The following MTUS2 variants were observed in gnomAD, a reference collection of about 807,000 sequenced individuals.
MTUS2 encodes microtubule associated scaffold protein 2, also known as microtubule-associated tumor suppressor candidate 2.
In MTUS2, 40 loss-of-function variants were observed where a neutral mutation model predicts 114.1. The ratio of observed to expected loss-of-function variants is 0.35; its 90% confidence interval spans 0.27 to 0.46. The LOEUF (loss-of-function observed/expected upper bound fraction) is 0.46. Ranked by LOEUF, MTUS2 falls within the 20% of genes least tolerant of loss-of-function variation. MTUS2 has a pLI of 1.00. For missense variants in MTUS2, 1,679 were observed against 1,705.4 expected (o/e 0.98, Z 0.27); for synonymous variants, 688 against 672.0 (o/e 1.02, Z -0.37).
intron 6 of MTUS2, among the ~76,000 whole-genome samples, chr13:29,297,526 C>G (rs3011452): frequency 6.6e-6 from 1 of 151,958 alleles, no homozygotes; most frequent in African/African-American, 2.4e-5. Flanking sequence ...ACCTATAGAC[C>G]TAACTTCTGC....
chr13:29,441,667 A>G (rs1877886976), intron 9 of MTUS2, among the ~76,000 whole-genome samples: 1 of 152,034 alleles, frequency 6.6e-6, no homozygotes, highest in South Asian at 2.1e-4. Context: ...ACCCTGCCCA[A>G]TGCCAGGGAC....
intron 8 of MTUS2, among the ~76,000 whole-genome samples, chr13:29,382,185 T>A (rs7328947): frequency 0.16 from 23,644 of 152,124 alleles, 2,635 homozygotes; most frequent in African/African-American, 0.32. Flanking sequence ...GGAACTATTC[T>A]GGGGAGATGG....
intron 6 of MTUS2, among the ~76,000 whole-genome samples, chr13:29,304,951 C>T (rs1262238124): frequency 6.6e-6 from 1 of 152,028 alleles, no homozygotes; most frequent in Non-Finnish European, 1.5e-5. Flanking sequence ...CAGACTACAG[C>T]ACAATCAAAC....
At chr13:29,472,348 T>G (rs1186814206) in intron 9 of MTUS2, among the ~76,000 whole-genome samples, 1 of 152,134 alleles carries the variant, frequency 6.6e-6, no homozygotes, top group Non-Finnish European at 1.5e-5. Context: ...CATCCTTCAT[T>G]TTCAGCCGTT....
Position 29,010,579 on chromosome 13 carries a change from C to T in MTUS2, c.-242-13878C>T, listed in dbSNP as rs142750880. ...TTCTTTCCTTTGGGGTTGAGAAGGC[C>T]GCCACATGCGGACCACACTCTCAGC... On this transcript the variant is annotated intron_variant, in intron 2 of 15. Transcript: ENST00000612955. 4.5e-4 allele frequency among the ~76,000 whole-genome samples: 68 copies of T among 152,098 alleles called. No individual in the cohort carries two copies. In the Middle Eastern group the frequency reaches 0.01, roughly 23 times the overall value.
At position 29,199,112 on chromosome 13, in the gene MTUS2, AC is replaced by A. The variant is rs1364568488; in HGVS notation, c.2645-82591del. On this transcript the variant is annotated intron_variant, in intron 5 of 15. Coordinates refer to ENST00000612955, the MANE Select transcript of MTUS2 (RefSeq NM_001033602.4). Reference sequence around the variant, plus strand: ...AAATACTTTCAAATTTCATATGGAAACAAAAAAGAGCCATATAGCCAAGACA... The same window carrying A: ...AAATACTTTCAAATTTCATATGGAAAAAAAAAGAGCCATATAGCCAAGACA... Among the ~76,000 whole-genome samples, 3 of 152,144 alleles carry A rather than the reference AC, an allele frequency of 2.0e-5. No individual in the cohort carries two copies. The East Asian group carries it at 5.8e-4, about 29-fold the overall frequency.
Position 29,460,327 on chromosome 13 carries a change from A to G in MTUS2, c.3185-19823A>G, listed in dbSNP as rs148876794. 9.2e-5 allele frequency among the ~76,000 whole-genome samples: 14 copies of G among 152,084 alleles called. 3 individuals are homozygous for G. In the South Asian group the frequency reaches 2.7e-3, roughly 29 times the overall value. ...TTTTAAACTCTGTTTCTCCACTCCA[A>G]TCATAATGGCTGCCAATATTAGGAC... is the stretch of plus-strand genomic sequence containing the variant. On this transcript the variant is annotated intron_variant, in intron 9 of 15. Coordinates refer to ENST00000612955, the MANE Select transcript of MTUS2 (RefSeq NM_001033602.4).
intron 5 of MTUS2, among the ~76,000 whole-genome samples, chr13:29,121,746 TC>T (rs1455934094): frequency 2.0e-5 from 3 of 151,600 alleles, no homozygotes; most frequent in African/African-American, 7.3e-5. Context: ...AACCTCCGCC[TC>T]CCGGCTTCAA....
chr13:29,243,488 CGGAAGCCAGTT>C (rs1221001510), intron 5 of MTUS2, among the ~76,000 whole-genome samples: 1 of 152,080 alleles, frequency 6.6e-6, no homozygotes, highest in African/African-American at 2.4e-5. Context: ...CTGGCAAGGT[CGGAAGCCAGTT>C]GGTAGTGGAT....
chr13:28,958,263 C>T (rs550521358), intron 2 of MTUS2, among the ~76,000 whole-genome samples: 3 of 152,218 alleles, frequency 2.0e-5, no homozygotes, highest in South Asian at 4.1e-4. Flanking sequence ...AGGCGGAGGG[C>T]GTTTTCCCAG....
At chr13:29,053,434 T>C (rs796576961) in intron 4 of MTUS2, among the ~76,000 whole-genome samples, 12 of 152,148 alleles carry the variant, frequency 7.9e-5, no homozygotes, top group Non-Finnish European at 1.5e-4. Flanking sequence ...GAAGGCCCAG[T>C]TCACAGTGTC....
intron 2 of MTUS2, among the ~76,000 whole-genome samples, chr13:28,980,991 T>A (rs1194418895): frequency 6.6e-6 from 1 of 152,210 alleles, no homozygotes; most frequent in East Asian, 1.9e-4. Context: ...AATGTTAGCT[T>A]TGCTGACAGA....
rs1347812083 is a variant in MTUS2, at chr13:29,505,467, T to C, written c.*2261T>C. 8.7e-6 allele frequency: 2 copies of C among 230,238 alleles called. No homozygotes were observed. Among genetic ancestry groups the C allele is most frequent in the Admixed American group, 1.1e-4 (2 of 17,700 alleles). 14.3% of individuals were successfully genotyped at this position (230,238 alleles called of 1,614,324 possible). A position where few individuals can be genotyped will look rare whatever the true frequency, so the allele number is the denominator to read the frequency against. On this transcript the variant is annotated 3_prime_UTR_variant, in exon 16 of 16. Coordinates refer to ENST00000612955, the MANE Select transcript of MTUS2 (RefSeq NM_001033602.4). ...CCCTGGCTTCGTGGTTTGTTTGTTTTTTTTCTTTTGTTACGGACACCCATC... is the reference window on the plus strand; with the variant it reads ...CCCTGGCTTCGTGGTTTGTTTGTTTCTTTTCTTTTGTTACGGACACCCATC...
chr13:29,030,294 AG>A (rs1389826061), intron 3 of MTUS2, among the ~76,000 whole-genome samples: 3 of 152,154 alleles, frequency 2.0e-5, no homozygotes, highest in African/African-American at 7.2e-5. Context: ...ACTGGTGTGG[AG>A]AGAGCATCAT....
intron 1 of MTUS2, among the ~76,000 whole-genome samples, chr13:28,838,915 A>G (rs1875276672): frequency 6.6e-6 from 1 of 152,104 alleles, no homozygotes; most frequent in South Asian, 2.1e-4. Flanking sequence ...TACCCAAACC[A>G]TTGTTGCTCA....
intron 5 of MTUS2, among the ~76,000 whole-genome samples, chr13:29,225,810 A>G (rs1896085150): frequency 6.6e-6 from 1 of 152,208 alleles, no homozygotes; most frequent in African/African-American, 2.4e-5. Context: ...TTTTGGAACA[A>G]GAATGATAAT....
In MTUS2 at chr13:29,026,384, T is replaced by C. The variant is rs779929961; in HGVS notation, c.1686T>C (p.Gly562=). ...SSSFQDVSVF[G]MDAGSPLVVP... The stretch of plus-strand genomic sequence containing the variant: ...GTTTTCAGGATGTTAGCGTGTTCGG[T>C]ATGGATGCGGGGTCCCCCTTGGTAG... The change falls in exon 3 of 16, where the codon GGT becomes GGC. Residue 562 remains glycine (G), a synonymous_variant. Coordinates refer to ENST00000612955, the MANE Select transcript of MTUS2 (RefSeq NM_001033602.4). 6.2e-7 allele frequency: 1 copy of C among 1,613,926 alleles called. No individual in the cohort carries two copies. Among genetic ancestry groups the C allele is most frequent in the Non-Finnish European group, 8.5e-7 (1 of 1,179,864 alleles).
intron 5 of MTUS2, among the ~76,000 whole-genome samples, chr13:29,127,688 G>A (rs374262015): frequency 2.6e-5 from 4 of 152,178 alleles, no homozygotes; most frequent in South Asian, 4.1e-4. Context: ...CTCTGGACAG[G>A]GCTGACTGCA....
chr13:29,157,634 G>A (rs1892916514), intron 5 of MTUS2, among the ~76,000 whole-genome samples: 1 of 152,068 alleles, frequency 6.6e-6, no homozygotes, highest in East Asian at 1.9e-4. Context: ...ATCTCTTTCT[G>A]TCCTGGAGAG....
Sources: allele counts gnomAD v4.1 joint callset (sites outside exome capture counted in the v4.1 genomes callset), GRCh38; gene constraint gnomAD v4.1.1; transcripts MANE v1.5; gene names NCBI Gene and HGNC (gene_info 2026-07-23, HGNC 2026-07-21).